Variants in CEP295 observed in about 807,000 individuals in gnomAD.
The protein encoded by CEP295 is centrosomal protein of 295 kDa.
A neutral mutation model predicts 291.6 loss-of-function variants in CEP295; 190 were observed. The observed-to-expected ratio is 0.65, with a 90% CI of 0.58 to 0.73. CEP295 has a LOEUF of 0.73. Among genes scored for constraint, CEP295 ranks in the 30% least tolerant of loss-of-function variants. CEP295 has a pLI of 0.00. For missense variants in CEP295, 2,863 were observed against 2,949.4 expected (o/e 0.97, Z 0.68); for synonymous variants, 993 against 1,038.8 (o/e 0.96, Z 0.85).
At chr11:93,679,271 G>A in intron 6 of CEP295, 141 bp from the exon 7 acceptor site, 9 of 708,734 alleles carry the variant, frequency 1.3e-5, no homozygotes, top group Non-Finnish European at 2.1e-5. Flanking sequence ...ACATGCCGTT[G>A]ATAATTGTGG....
chr11:93,697,176 T>G lies in CEP295; in HGVS notation c.2264T>G (p.Phe755Cys). Residue 755 changes from phenylalanine (F) to cysteine (C), a missense_variant, in exon 15 of 30, where the codon TTT becomes TGT. Phe to Cys is a radical substitution (Grantham distance 205). Around this residue, in one of 3 missense-constraint regions of CEP295, gnomAD observed 2,295 missense variants for 2,335.7 expected, o/e 0.98. Coordinates refer to ENST00000325212, the MANE Select transcript of CEP295 (RefSeq NM_033395.2). ...GATGCTAGAAAAATATCTGAAACAT[T>G]TGGGGCAACAACTTTTCAAAGTTTA... ...SQDARKISET[F>C]GATTFQSLES... The G allele has an allele frequency of 6.4e-7, 1 of 1,551,810 alleles. No individual in the cohort carries two copies. Among genetic ancestry groups the G allele is most frequent in the Non-Finnish European group, 8.7e-7 (1 of 1,147,046 alleles).
chr11:93,676,593 A>G (rs1452551650), intron 6 of CEP295, among the ~76,000 whole-genome samples: 1 of 152,062 alleles, frequency 6.6e-6, no homozygotes, highest in Non-Finnish European at 1.5e-5. Flanking sequence ...TCTAAGATGC[A>G]AGAGTAAATC....
At chr11:93,695,685 A>G in intron 13 of CEP295, 51 bp downstream of exon 13, 1 of 1,468,678 alleles carries the variant, frequency 6.8e-7, no homozygotes, top group Non-Finnish European at 8.9e-7. Context: ...TAAGGGGGGC[A>G]AGAAAATATG....
chr11:93,730,228 C>T lies in CEP295; in HGVS notation c.7768-3C>T. 1.9e-6 allele frequency: 3 copies of T among 1,551,154 alleles called. No homozygotes were observed. The highest frequency in any genetic ancestry group is 2.6e-6 in the Non-Finnish European group (3 of 1,146,834). On this transcript the variant is annotated splice_region_variant and splice_polypyrimidine_tract_variant and intron_variant, in intron 29 of 29. Coordinates refer to ENST00000325212, the MANE Select transcript of CEP295 (RefSeq NM_033395.2). ...GAAACTCAAATTTTTATTCCTTCCA[C>T]AGAAAACACTAGAGAAACTTCGAGC... is the stretch of plus-strand genomic sequence containing the variant.
intron 10 of CEP295, among the ~76,000 whole-genome samples, chr11:93,690,986 G>A (rs1482805086): frequency 6.6e-6 from 1 of 152,128 alleles, no homozygotes; most frequent in East Asian, 1.9e-4. Flanking sequence ...CTGCTTAAAT[G>A]TCGTTTCCTC....
chr11:93,709,205 C>G (rs895043695), intron 18 of CEP295, among the ~76,000 whole-genome samples: 2 of 152,180 alleles, frequency 1.3e-5, no homozygotes, highest in African/African-American at 4.8e-5. Flanking sequence ...GGGTATTGCT[C>G]AAGAAATCCT....
intron 18 of CEP295, among the ~76,000 whole-genome samples, chr11:93,719,062 C>T (rs185943278): frequency 2.0e-5 from 3 of 151,870 alleles, no homozygotes; most frequent in East Asian, 3.9e-4. Context: ...GAGCCAAGAT[C>T]GTGCCTCTGC....
intron 25 of CEP295, 32 bp from the exon 26 acceptor site, chr11:93,729,398 TAAAA>T: frequency 7.0e-7 from 1 of 1,425,114 alleles, no homozygotes; most frequent in Non-Finnish European, 9.7e-7. Flanking sequence ...TTAAAGCGTT[TAAAA>T]AGAGTAAAAC....
chr11:93,700,070 G>C lies in CEP295; in HGVS notation c.5158G>C (p.Val1720Leu), dbSNP rs1952057606. Residue 1720 changes from valine (V) to leucine (L), a missense_variant, in exon 15 of 30, where the codon GTT becomes CTT. By Grantham distance (32) the Val-to-Leu change is conservative (BLOSUM62 1). This residue lies in a region of CEP295 where 2,295 missense variants were observed against 2,335.7 expected (regional missense o/e 0.98). Transcript: ENST00000325212. ...LQKQLDLQREVLHYSQKAQEK... is the reference protein window; with the variant it reads ...LQKQLDLQRELLHYSQKAQEK... Reference sequence around the variant, plus strand: ...GAAACAGTTGGATCTACAAAGAGAAGTTCTGCATTATAGCCAGAAAGCCCA... The same window carrying C: ...GAAACAGTTGGATCTACAAAGAGAACTTCTGCATTATAGCCAGAAAGCCCA... 5 of 1,551,832 alleles carry C rather than the reference G, an allele frequency of 3.2e-6. No homozygotes were observed. The highest frequency in any genetic ancestry group is 4.4e-6 in the Non-Finnish European group (5 of 1,147,030).
chr11:93,674,262 C>A (rs1389274515), intron 5 of CEP295, among the ~76,000 whole-genome samples: 1 of 152,200 alleles, frequency 6.6e-6, no homozygotes, highest in African/African-American at 2.4e-5. Flanking sequence ...CGCGCCCAGC[C>A]CCTTCTTGTC....
intron 7 of CEP295, among the ~76,000 whole-genome samples, chr11:93,679,777 G>T (rs1272843020): frequency 6.6e-6 from 1 of 152,086 alleles, no homozygotes; most frequent in African/African-American, 2.4e-5. Context: ...TTTTACTAAT[G>T]AATTTATTAA....
intron 3 of CEP295, 24 bp from the exon 4 acceptor site, chr11:93,668,784 A>G (rs1950303114): frequency 1.4e-6 from 2 of 1,469,894 alleles, no homozygotes; most frequent in East Asian, 2.5e-5. Flanking sequence ...TTAACATGAC[A>G]TTTTAAGTAA....
At chr11:93,715,077 T>G (rs892991524) in intron 18 of CEP295, among the ~76,000 whole-genome samples, 1 of 152,202 alleles carries the variant, frequency 6.6e-6, no homozygotes, top group Admixed American at 6.5e-5. Context: ...TGTCCTTGCC[T>G]TCAGGGTGGC....
At chr11:93,703,827 G>C (rs1952340451) in intron 17 of CEP295, among the ~76,000 whole-genome samples, 1 of 146,112 alleles carries the variant, frequency 6.8e-6, no homozygotes, top group Non-Finnish European at 1.5e-5. Flanking sequence ...GGAGTGCAGT[G>C]GCGCAATCTC....
chr11:93,703,120 C>T (rs191388790), intron 17 of CEP295, among the ~76,000 whole-genome samples: 3 of 152,024 alleles, frequency 2.0e-5, no homozygotes, highest in Non-Finnish European at 4.4e-5. Context: ...CCCGCCACCA[C>T]ACCCAGCTAA....
intron 15 of CEP295, among the ~76,000 whole-genome samples, chr11:93,700,426 C>CT (rs11410177): frequency 0.081 from 10,484 of 129,298 alleles, 1,098 homozygotes; most frequent in African/African-American, 0.24. Flanking sequence ...TTTGTTTTTG[C>CT]TTTTTTTTTT....
intron 14 of CEP295, 66 bp from the exon 15 acceptor site, chr11:93,696,616 T>A: frequency 7.3e-7 from 1 of 1,375,890 alleles, no homozygotes; most frequent in East Asian, 2.5e-5. Context: ...TTAAATTTAA[T>A]GTATAGACAT....
intron 18 of CEP295, among the ~76,000 whole-genome samples, chr11:93,717,964 T>G (rs1234176654): frequency 6.6e-6 from 1 of 152,190 alleles, no homozygotes; most frequent in African/African-American, 2.4e-5. Flanking sequence ...TAGGCTAGAG[T>G]GCAGTGGCAC....
At chr11:93,689,544 T>C (rs1041768968) in intron 10 of CEP295, among the ~76,000 whole-genome samples, 41 of 152,324 alleles carry the variant, frequency 2.7e-4, no homozygotes, top group African/African-American at 9.4e-4. Context: ...TTTACTCAAC[T>C]ATCCCTTTCT....
Sources: allele counts gnomAD v4.1 joint callset (sites outside exome capture counted in the v4.1 genomes callset), GRCh38; gene constraint gnomAD v4.1.1; regional missense constraint gnomAD v4.1.1; transcripts MANE v1.5; gene names NCBI Gene and HGNC (gene_info 2026-07-23, HGNC 2026-07-21).